Variants in ARHGEF11 observed in about 807,000 individuals in gnomAD.
ARHGEF11 encodes Rho guanine nucleotide exchange factor 11, also known as Rho guanine exchange factor (GEF) 11.
A neutral mutation model predicts 193.7 loss-of-function variants in ARHGEF11; 55 were observed. The ratio of observed to expected loss-of-function variants is 0.28; its 90% CI spans 0.23 to 0.36. The LOEUF is 0.36. ARHGEF11 is among the 10% of genes least tolerant of loss of function. The probability of loss-of-function intolerance (pLI) is 1.00; values close to 1 mark genes in which losing one functional copy is unlikely to be tolerated. For synonymous variants in ARHGEF11, 693 were observed against 768.0 expected, an observed-to-expected ratio of 0.90 and a Z score of 1.62; for missense variants, 1,723 against 2,005.6, an observed-to-expected ratio of 0.86 and a Z score of 2.69.
At chr1:156,938,837 C>G in intron 37 of ARHGEF11, 1 of 341,590 alleles carries the variant, frequency 2.9e-6, no homozygotes, top group Non-Finnish European at 5.3e-6. Flanking sequence ...GCGTGGAACC[C>G]CATCCCATGT....
intron 1 of ARHGEF11, among the ~76,000 whole-genome samples, chr1:157,030,007 G>C (rs1245303760): frequency 6.6e-6 from 1 of 152,140 alleles, no homozygotes; most frequent in African/African-American, 2.4e-5. Context: ...GCAATGGGGA[G>C]TGACTGCTAA....
At chr1:156,950,174 C>T (rs1422433907) in intron 22 of ARHGEF11, among the ~76,000 whole-genome samples, 2 of 152,212 alleles carry the variant, frequency 1.3e-5, no homozygotes, top group Admixed American at 1.3e-4. Flanking sequence ...TAGAACTCAA[C>T]CTTCCCCCAG....
At chr1:157,022,218 C>T (rs1168624860) in intron 1 of ARHGEF11, among the ~76,000 whole-genome samples, 3 of 151,990 alleles carry the variant, frequency 2.0e-5, no homozygotes, top group South Asian at 4.2e-4. Flanking sequence ...TAGCCATCCA[C>T]GTGGGAAAGG....
chr1:156,936,168 T>C (rs1008459482), intron 40 of ARHGEF11, 110 bp from the exon 41 acceptor site: 5 of 1,144,822 alleles, frequency 4.4e-6, no homozygotes, highest in Non-Finnish European at 6.6e-6. Flanking sequence ...TCACCTTCCT[T>C]CTCCTCCAGA....
chr1:156,982,391 C>T (rs139172572), intron 3 of ARHGEF11, among the ~76,000 whole-genome samples: 2 of 152,286 alleles, frequency 1.3e-5, no homozygotes, highest in African/African-American at 4.8e-5. Flanking sequence ...GATTCTAATA[C>T]AGGCAGAACA....
chr1:157,010,536 C>T (rs1348154347), intron 1 of ARHGEF11, among the ~76,000 whole-genome samples: 1 of 152,142 alleles, frequency 6.6e-6, no homozygotes, highest in Non-Finnish European at 1.5e-5. Flanking sequence ...ATCTTCCCAC[C>T]TCAGCCTCCC....
chr1:156,994,918 C>A (rs1179985325), intron 1 of ARHGEF11, among the ~76,000 whole-genome samples: 2 of 152,202 alleles, frequency 1.3e-5, no homozygotes, highest in Non-Finnish European at 2.9e-5. Flanking sequence ...AGTCAAACTG[C>A]AATCAATCTC....
At chr1:156,947,684 C>G in intron 25 of ARHGEF11, 85 bp downstream of exon 25, 1 of 1,527,934 alleles carries the variant, frequency 6.5e-7, no homozygotes, top group Non-Finnish European at 8.8e-7. Context: ...CCCTATTTAC[C>G]TCTTTCCCAC....
intron 1 of ARHGEF11, among the ~76,000 whole-genome samples, chr1:157,032,335 T>G (rs1325996544): frequency 6.6e-6 from 1 of 152,020 alleles, no homozygotes; most frequent in Non-Finnish European, 1.5e-5. Context: ...AAAGTTCTGT[T>G]CTGAGAACAT....
intron 16 of ARHGEF11, 89 bp from the exon 17 acceptor site, chr1:156,958,953 C>G: frequency 6.2e-7 from 1 of 1,609,210 alleles, no homozygotes; most frequent in Non-Finnish European, 8.5e-7. Flanking sequence ...ACACATATAA[C>G]AAGAGATATG....
At chr1:156,946,225 T>A (rs1658086099) in intron 28 of ARHGEF11, 63 bp from the exon 29 acceptor site, 1 of 1,416,326 alleles carries the variant, frequency 7.1e-7, no homozygotes, top group Admixed American at 1.7e-5. Flanking sequence ...GCTTATGGGC[T>A]CAGGGCCAAG....
At chr1:157,016,532 T>C (rs1669251385) in intron 1 of ARHGEF11, among the ~76,000 whole-genome samples, 1 of 152,186 alleles carries the variant, frequency 6.6e-6, no homozygotes, top group Non-Finnish European at 1.5e-5. Context: ...ATATTCCTGT[T>C]TTTAAAATTA....
chr1:157,012,521 A>G (rs1174358357), intron 1 of ARHGEF11, among the ~76,000 whole-genome samples: 1 of 152,226 alleles, frequency 6.6e-6, no homozygotes, highest in Non-Finnish European at 1.5e-5. Flanking sequence ...AAAATGAACA[A>G]AGAACCAGCC....
intron 1 of ARHGEF11, among the ~76,000 whole-genome samples, chr1:157,015,501 A>G (rs1669105513): frequency 6.6e-6 from 1 of 152,134 alleles, no homozygotes. Flanking sequence ...CCCTGCTCCT[A>G]ACTCACAGGG....
Position 156,937,473 on chromosome 1 carries a change from G to T in ARHGEF11, c.4216C>A (p.Pro1406Thr). 6.5e-7 allele frequency: 1 copy of T among 1,531,256 alleles called. No homozygotes were observed. The highest frequency in any genetic ancestry group is 1.3e-5 in the South Asian group (1 of 76,758). The allele number at this position is 1,531,256 out of a possible 1,614,324, so 94.9% of individuals were successfully genotyped here. ...GTGCTTGAGTCCGGGGGTCCTGATG[G>T]CATGCTGACATAAAAGCAGTTCCCT... is the stretch of plus-strand genomic sequence containing the variant. ...ATGNCFYVSM[P>T]SGPPDSSTDH... The change falls in exon 39 of 41, where the codon CCA becomes ACA. Residue 1406 changes from proline to threonine, a missense_variant. By Grantham distance (38) the Pro-to-Thr change is conservative (BLOSUM62 -1). This residue lies in a region of ARHGEF11 where 360 missense variants were observed against 344.4 expected (regional missense o/e 1.05). Coordinates refer to ENST00000368194, the MANE Select transcript of ARHGEF11 (RefSeq NM_198236.3).
chr1:157,028,536 C>A (rs1185823441), intron 1 of ARHGEF11, among the ~76,000 whole-genome samples: 1 of 152,048 alleles, frequency 6.6e-6, no homozygotes, highest in Non-Finnish European at 1.5e-5. Context: ...AAAAGAGTGA[C>A]CAAATTACCA....
At chr1:156,938,060 A>G (rs1317562924) in intron 38 of ARHGEF11, among the ~76,000 whole-genome samples, 1 of 152,216 alleles carries the variant, frequency 6.6e-6, no homozygotes, top group East Asian at 1.9e-4. Flanking sequence ...GCCGATTTCC[A>G]CAGTGACACT....
chr1:156,964,029 G>A (rs1458712893), intron 11 of ARHGEF11, among the ~76,000 whole-genome samples: 3 of 152,192 alleles, frequency 2.0e-5, no homozygotes, highest in African/African-American at 7.2e-5. Flanking sequence ...CAGTGCTACT[G>A]AACAGTTATT....
At chr1:156,938,712 AGAAG>A in intron 37 of ARHGEF11, 199 bp from the exon 38 acceptor site, 1 of 519,028 alleles carries the variant, frequency 1.9e-6, no homozygotes, top group South Asian at 2.9e-5. Context: ...CGAGAGACAG[AGAAG>A]GAAGGTCAGT....
Sources: gnomAD v4.1 joint callset for allele counts (sites outside exome capture counted in the v4.1 genomes callset) on GRCh38, gnomAD v4.1.1 for gene constraint, gnomAD v4.1.1 regional missense constraint, MANE v1.5 for transcripts, NCBI Gene and HGNC (gene_info 2026-07-23, HGNC 2026-07-21) for gene names.